MAPKAPK3: variants seen among roughly 807,000 people sequenced by gnomAD.
MAPKAPK3 encodes MAP kinase-activated protein kinase 3.
MAPKAPK3 carries 35 observed loss-of-function variants against 49.2 expected under a neutral mutation model. The observed-to-expected ratio is 0.71, with a 90% CI of 0.54 to 0.94. The LOEUF (loss-of-function observed/expected upper bound fraction) is 0.94, where lower values mean the gene tolerates loss of function less well. Ranked by LOEUF, MAPKAPK3 falls within the 40% of genes least tolerant of loss-of-function variation. The pLI, the probability that MAPKAPK3 is intolerant of heterozygous loss-of-function variation, is 0.00. For synonymous variants in MAPKAPK3, 178 were observed against 188.7 expected (o/e 0.94, Z 0.46); for missense variants, 398 against 493.1 (o/e 0.81, Z 1.83).
Position 50,647,103 on chromosome 3 carries a change from G to T in MAPKAPK3, c.916-20G>T. 1 of 1,557,710 alleles carries T rather than the reference G, an allele frequency of 6.4e-7. No homozygotes were observed. Among genetic ancestry groups the T allele is most frequent in the East Asian group, 2.4e-5 (1 of 41,740 alleles). ...CAGGTGCCTCCAGTTTCTAATCCAC[G>T]GGCGTGGGGCTCCTTCCAGCAATCG... is the stretch of plus-strand genomic sequence containing the variant. On this transcript the variant is annotated intron_variant, in intron 9 of 10. Transcript: ENST00000621469.
At chr3:50,617,118 G>GTGGGGGA (rs2032486514), upstream of MAPKAPK3, 1 of 21,814 alleles carries the variant, frequency 4.6e-5, no homozygotes, top group East Asian at 9.1e-4. Flanking sequence ...GGGGTGGGGA[G>GTGGGGGA]GGGGGGGAGG....
chr3:50,634,552 G>A (rs188792557), intron 2 of MAPKAPK3, among the ~76,000 whole-genome samples: 7 of 151,476 alleles, frequency 4.6e-5, no homozygotes, highest in Middle Eastern at 3.4e-3. Flanking sequence ...GCAATGATGC[G>A]ATCTCGGCTC....
At chr3:50,614,917 A>G (rs1198402069), upstream of MAPKAPK3, among the ~76,000 whole-genome samples, 5 of 152,252 alleles carry the variant, frequency 3.3e-5, no homozygotes, top group African/African-American at 4.8e-5. Context: ...ATTAATTACA[A>G]TGAGGAAGTT....
At position 50,627,919 on chromosome 3, in the gene MAPKAPK3, C is replaced by T. The variant is rs576524576; in HGVS notation, c.219+10135C>T. Among the ~76,000 whole-genome samples the T allele has an allele frequency of 2.0e-5, 3 of 152,264 alleles. No individual in the cohort carries two copies. The East Asian group carries it at 5.8e-4, about 29-fold the overall frequency. On this transcript the variant is annotated intron_variant, in intron 2 of 10. Coordinates refer to ENST00000621469, the MANE Select transcript of MAPKAPK3 (RefSeq NM_001243925.2). ...GAGGAGAGCGATGGCTGCCTGTACT[C>T]ACCCAGGCCTGTGTGGGGAGCTGCA...
rs1201332606 is a variant in MAPKAPK3, at chr3:50,647,116, C to T, written c.916-7C>T. The T allele has an allele frequency of 6.4e-7, 1 of 1,571,332 alleles. No homozygotes were observed. Among genetic ancestry groups the T allele is most frequent in the South Asian group, 1.2e-5 (1 of 85,348 alleles). Reference sequence around the variant, plus strand: ...TTTCTAATCCACGGGCGTGGGGCTCCTTCCAGCAATCGATGGTAGTGCCAC... The same window carrying T: ...TTTCTAATCCACGGGCGTGGGGCTCTTTCCAGCAATCGATGGTAGTGCCAC... On this transcript the variant is annotated splice_region_variant and splice_polypyrimidine_tract_variant and intron_variant, in intron 9 of 10. Coordinates refer to ENST00000621469, the MANE Select transcript of MAPKAPK3 (RefSeq NM_001243925.2).
chr3:50,645,421 C>A (rs1304313299), intron 6 of MAPKAPK3, among the ~76,000 whole-genome samples: 2 of 152,202 alleles, frequency 1.3e-5, no homozygotes, highest in African/African-American at 2.4e-5. Flanking sequence ...TCCCACCAAG[C>A]CCCAGACTGG....
At chr3:50,617,391 T>C in intron 1 of MAPKAPK3, 123 bp from the exon 2 acceptor site, 2 of 579,916 alleles carry the variant, frequency 3.4e-6, no homozygotes, top group South Asian at 4.4e-5. Context: ...GTCTGTACTC[T>C]CAGGCCGTTC....
Position 50,647,212 on chromosome 3 carries a change from G to A in MAPKAPK3, c.996+9G>A, listed in dbSNP as rs761411367. The A allele has an allele frequency of 1.9e-6, 3 of 1,576,422 alleles. No individual in the cohort carries two copies. The highest frequency in any genetic ancestry group is 2.6e-6 in the Non-Finnish European group (3 of 1,160,518). On this transcript the variant is annotated intron_variant, in intron 10 of 10. Coordinates refer to ENST00000621469, the MANE Select transcript of MAPKAPK3 (RefSeq NM_001243925.2). ...ACTGGGACGAAGTCAAGGTGGGTGG[G>A]CTCTGCCTCAGTCTCAATACAGGTG... is the stretch of plus-strand genomic sequence containing the variant.
chr3:50,627,095 A>G (rs1394261758), intron 2 of MAPKAPK3, among the ~76,000 whole-genome samples: 1 of 151,614 alleles, frequency 6.6e-6, no homozygotes, highest in African/African-American at 2.4e-5. Flanking sequence ...GAGGCAGGAG[A>G]ATCACTTGAA....
chr3:50,632,689 A>G (rs1412796047), intron 2 of MAPKAPK3, among the ~76,000 whole-genome samples: 1 of 152,248 alleles, frequency 6.6e-6, no homozygotes, highest in Non-Finnish European at 1.5e-5. Flanking sequence ...TACCCCGGAA[A>G]CAGTGGGTGT....
At chr3:50,615,453 G>T (rs189771150), upstream of MAPKAPK3, among the ~76,000 whole-genome samples, 228 of 126,130 alleles carry the variant, frequency 1.8e-3, no homozygotes, top group Admixed American at 3.6e-3. Context: ...GTTTGCACAT[G>T]TGGCTGTGTG....
intron 2 of MAPKAPK3, among the ~76,000 whole-genome samples, chr3:50,629,531 T>G (rs1337112229): frequency 1.3e-5 from 2 of 152,228 alleles, no homozygotes; most frequent in African/African-American, 2.4e-5. Flanking sequence ...GTATTAGCAC[T>G]ATCCCCACTT....
At chr3:50,615,199 C>A (rs973496496), upstream of MAPKAPK3, among the ~76,000 whole-genome samples, 12 of 152,260 alleles carry the variant, frequency 7.9e-5, no homozygotes, top group Non-Finnish European at 1.5e-4. Flanking sequence ...TTGGCTCCCC[C>A]CAGCAGTAGA....
upstream of MAPKAPK3, among the ~76,000 whole-genome samples, chr3:50,614,500 AGT>A (rs3066739): frequency 0.03 from 4,127 of 138,822 alleles, 144 homozygotes; most frequent in African/African-American, 0.088. Flanking sequence ...GTAAGGACAG[AGT>A]GTGTGTGTGT....
chr3:50,618,089 G>A (rs1475988460), intron 2 of MAPKAPK3, among the ~76,000 whole-genome samples: 1 of 152,220 alleles, frequency 6.6e-6, no homozygotes, highest in Non-Finnish European at 1.5e-5. Context: ...GGACCCATGT[G>A]TTCAGGCCCA....
At position 50,646,733 on chromosome 3, in the gene MAPKAPK3, C is replaced by T. The variant is rs767284380; in HGVS notation, c.830-7C>T. ...CATCTCTCCCCTCTCTTCCCTGGCC[C>T]CCCTAGCCAAGCAGCTGATCCGCCT... On this transcript the variant is annotated splice_polypyrimidine_tract_variant and splice_region_variant and intron_variant, in intron 8 of 10. Coordinates refer to ENST00000621469, the MANE Select transcript of MAPKAPK3 (RefSeq NM_001243925.2). 1 of 1,613,710 alleles carries T rather than the reference C, an allele frequency of 6.2e-7. No homozygotes were observed. The highest frequency in any genetic ancestry group is 1.1e-5 in the South Asian group (1 of 91,072).
At chr3:50,615,956 C>G (rs556414687), upstream of MAPKAPK3, among the ~76,000 whole-genome samples, 27 of 152,246 alleles carry the variant, frequency 1.8e-4, no homozygotes, top group Non-Finnish European at 3.7e-4. Context: ...GCACATGCAG[C>G]CCAGGGGTCC....
At chr3:50,622,902 G>A (rs892816782) in intron 2 of MAPKAPK3, among the ~76,000 whole-genome samples, 1 of 152,342 alleles carries the variant, frequency 6.6e-6, no homozygotes, top group East Asian at 1.9e-4. Flanking sequence ...CATGATGGAT[G>A]CAGAGACTGG....
intron 2 of MAPKAPK3, among the ~76,000 whole-genome samples, chr3:50,632,224 G>A (rs55852549): frequency 2.6e-5 from 4 of 152,132 alleles, no homozygotes; most frequent in Admixed American, 2.0e-4. Flanking sequence ...TTAGAATTTC[G>A]TCCTAGAAAA....
Sources: allele counts gnomAD v4.1 joint callset (sites outside exome capture counted in the v4.1 genomes callset), GRCh38; gene constraint gnomAD v4.1.1; transcripts MANE v1.5; gene names NCBI Gene and HGNC (gene_info 2026-07-23, HGNC 2026-07-21).